The following SPRR2G variants were observed in gnomAD, a reference collection of about 807,000 sequenced individuals.
SPRR2G encodes small proline rich protein 2G.
A neutral mutation model predicts 0.7 loss-of-function variants in SPRR2G; 1 was observed. The observed-to-expected ratio is 1.49, with a 90% confidence interval of 0.53 to 7.06. SPRR2G has a LOEUF of 7.06. SPRR2G is among the 30% of genes most tolerant of loss of function. The pLI is 0.14. For synonymous variants in SPRR2G, 38 were observed against 33.9 expected, an observed-to-expected ratio of 1.12 and a Z score of -0.42; for missense variants, 96 against 88.5, an observed-to-expected ratio of 1.09 and a Z score of -0.34.
At chr1:153,192,948 A>T in the SPRR2G span, among the ~76,000 whole-genome samples, 2 of 152,210 alleles carry the variant, frequency 1.3e-5, no homozygotes, top group African/African-American at 4.8e-5. Context: ...TACCTGGGCT[A>T]TGCCTTGGCA....
At chr1:153,198,535 C>T in the SPRR2G span, among the ~76,000 whole-genome samples, 3 of 152,050 alleles carry the variant, frequency 2.0e-5, no homozygotes, top group African/African-American at 4.8e-5. Flanking sequence ...GGCTTAGAAG[C>T]CTGTGGCTCA....
the SPRR2G span, among the ~76,000 whole-genome samples, chr1:153,187,816 G>A: frequency 1.9e-4 from 29 of 152,112 alleles, no homozygotes; most frequent in Admixed American, 5.2e-4. Flanking sequence ...TTTTGGGGCT[G>A]GTTTTTCCTC....
the SPRR2G span, among the ~76,000 whole-genome samples, chr1:153,200,369 CAGAG>C: frequency 6.6e-6 from 1 of 152,066 alleles, no homozygotes; most frequent in Non-Finnish European, 1.5e-5. Context: ...AATGAAGACA[CAGAG>C]AGAGAGGTTC....
At chr1:153,183,883 A>G in the SPRR2G span, among the ~76,000 whole-genome samples, 1 of 152,018 alleles carries the variant, frequency 6.6e-6, no homozygotes, top group Non-Finnish European at 1.5e-5. Flanking sequence ...ATCCATCTTG[A>G]GTTAATTTTT....
the SPRR2G span, among the ~76,000 whole-genome samples, chr1:153,175,544 A>G: frequency 6.6e-6 from 1 of 152,180 alleles, no homozygotes; most frequent in Non-Finnish European, 1.5e-5. Flanking sequence ...ATGGACTTTC[A>G]TGTTCCATAC....
At chr1:153,165,254 A>T in the SPRR2G span, among the ~76,000 whole-genome samples, 1 of 152,172 alleles carries the variant, frequency 6.6e-6, no homozygotes, top group Non-Finnish European at 1.5e-5. Context: ...GATTCTAAAT[A>T]TTGATAGATA....
At chr1:153,173,187 C>T in the SPRR2G span, among the ~76,000 whole-genome samples, 2 of 152,180 alleles carry the variant, frequency 1.3e-5, no homozygotes, top group Admixed American at 1.3e-4. Context: ...ATTCAGAAAC[C>T]ACAAAGAACA....
chr1:153,159,760 G>A, the SPRR2G span, among the ~76,000 whole-genome samples: 1 of 152,182 alleles, frequency 6.6e-6, no homozygotes, highest in African/African-American at 2.4e-5. Flanking sequence ...CTTACATAGT[G>A]GCAGGAGAGA....
chr1:153,193,656 A>T, the SPRR2G span, among the ~76,000 whole-genome samples: 1 of 152,214 alleles, frequency 6.6e-6, no homozygotes, highest in African/African-American at 2.4e-5. Context: ...GAAAGATGCT[A>T]AACACCCAGC....
At chr1:153,159,855 G>A in the SPRR2G span, among the ~76,000 whole-genome samples, 1 of 152,168 alleles carries the variant, frequency 6.6e-6, no homozygotes, top group African/African-American at 2.4e-5. Flanking sequence ...ACAGCTTGGG[G>A]GAAATTGCCT....
At chr1:153,182,599 T>A in the SPRR2G span, among the ~76,000 whole-genome samples, 1 of 152,134 alleles carries the variant, frequency 6.6e-6, no homozygotes, top group East Asian at 1.9e-4. Flanking sequence ...TGTCCATGTG[T>A]TCTCATTGTT....
At chr1:153,188,093 GTACC>G in the SPRR2G span, among the ~76,000 whole-genome samples, 11,001 of 152,202 alleles carry the variant, frequency 0.072, 399 homozygotes, top group Middle Eastern at 0.11. Context: ...TCCCACAGGG[GTACC>G]TGCCTGATGC....
At chr1:153,175,541 T>TGG in the SPRR2G span, among the ~76,000 whole-genome samples, 4 of 152,190 alleles carry the variant, frequency 2.6e-5, no homozygotes, top group Admixed American at 2.6e-4. Context: ...CTGATGGACT[T>TGG]TCATGTTCCA....
chr1:153,150,027 T>G lies in SPRR2G; in HGVS notation c.84A>C (p.Pro28=). ...GGTAAGGCTCAGGGCACTTCGGGGG[T>G]GGACATGGCTCTGGGCACTTTGGCG... ...CPTPKCPEPC[P]PPKCPEPYLP... Residue 28 remains proline, a synonymous_variant, in exon 2 of 2, where the codon CCA becomes CCC. Coordinates refer to ENST00000368748, the MANE Select transcript of SPRR2G (RefSeq NM_001014291.4). 6.2e-7 allele frequency: 1 copy of G among 1,613,466 alleles called. No individual in the cohort carries two copies. Among genetic ancestry groups the G allele is most frequent in the Non-Finnish European group, 8.5e-7 (1 of 1,179,872 alleles).
At chr1:153,181,401 G>A in the SPRR2G span, among the ~76,000 whole-genome samples, 5 of 152,094 alleles carry the variant, frequency 3.3e-5, no homozygotes, top group Non-Finnish European at 5.9e-5. Context: ...TCGTTTATCT[G>A]TGGTGAGTAC....
At chr1:153,188,675 G>A in the SPRR2G span, among the ~76,000 whole-genome samples, 1 of 152,154 alleles carries the variant, frequency 6.6e-6, no homozygotes, top group Non-Finnish European at 1.5e-5. Context: ...CTTTCCAGGA[G>A]AGTGAACAGC....
chr1:153,153,813 T>G (rs1295240341), upstream of SPRR2G, among the ~76,000 whole-genome samples: 1 of 152,162 alleles, frequency 6.6e-6, no homozygotes, highest in Non-Finnish European at 1.5e-5. Context: ...ATAATATGCC[T>G]TTAAGTTTTT....
At chr1:153,180,315 G>A in the SPRR2G span, among the ~76,000 whole-genome samples, 2 of 152,022 alleles carry the variant, frequency 1.3e-5, no homozygotes, top group Non-Finnish European at 2.9e-5. Context: ...ATCTAACACT[G>A]TACATTTGTT....
the SPRR2G span, among the ~76,000 whole-genome samples, chr1:153,194,045 T>C: frequency 2.0e-5 from 3 of 152,254 alleles, no homozygotes; most frequent in East Asian, 5.8e-4. Flanking sequence ...TTGGATCCCA[T>C]GCTTTGCTCC....
Sources: allele counts gnomAD v4.1 joint callset (sites outside exome capture counted in the v4.1 genomes callset), GRCh38; gene constraint gnomAD v4.1.1; transcripts MANE v1.5; gene names NCBI Gene and HGNC (gene_info 2026-07-23, HGNC 2026-07-21).